LAMA3: variants seen among roughly 807,000 people sequenced by gnomAD.
LAMA3 encodes the protein laminin subunit alpha-3.
Under a neutral mutation model 402.0 loss-of-function variants are expected in LAMA3, and 281 were observed. The observed-to-expected ratio is 0.70, with a 90% CI of 0.63 to 0.77. The LOEUF is 0.77. Among genes scored for constraint, LAMA3 ranks in the 30% least tolerant of loss-of-function variants. The pLI is 0.00. For missense variants in LAMA3, 3,840 were observed against 4,215.5 expected, an observed-to-expected ratio of 0.91 and a Z score of 2.47; for synonymous variants, 1,431 against 1,558.4, an observed-to-expected ratio of 0.92 and a Z score of 1.93.
intron 40 of LAMA3, among the ~76,000 whole-genome samples, chr18:23,882,380 A>G (rs924238479): frequency 6.6e-6 from 1 of 152,194 alleles, no homozygotes; most frequent in East Asian, 1.9e-4. Context: ...CTGTAATCCT[A>G]GCACTTTAGA....
intron 1 of LAMA3, among the ~76,000 whole-genome samples, chr18:23,711,363 A>G (rs1428439553): frequency 6.6e-6 from 1 of 152,216 alleles, no homozygotes; most frequent in Non-Finnish European, 1.5e-5. Flanking sequence ...TCAAGGGCTA[A>G]CGTGAGTGCT....
intron 49 of LAMA3, 82 bp from the exon 50 acceptor site, chr18:23,903,851 T>A: frequency 8.9e-7 from 1 of 1,118,936 alleles, no homozygotes; most frequent in Non-Finnish European, 1.4e-6. Context: ...CAGAAACACA[T>A]CAGTTATGAT....
Position 23,928,782 on chromosome 18 carries a change from T to G in LAMA3, c.8436+17T>G, listed in dbSNP as rs2082080913. ...CAGACATGGGTATGCAGTAGTGCAT[T>G]AATATCAAACAAGATTTAAACCTGA... On this transcript the variant is annotated intron_variant, in intron 64 of 74. Coordinates refer to ENST00000313654, the MANE Select transcript of LAMA3 (RefSeq NM_198129.4). 1 of 1,608,244 alleles carries G rather than the reference T, an allele frequency of 6.2e-7. No homozygotes were observed. The highest frequency in any genetic ancestry group is 1.7e-5 in the Admixed American group (1 of 60,024).
intron 11 of LAMA3, 118 bp downstream of exon 11, chr18:23,777,737 G>GCACC: frequency 1.2e-6 from 1 of 809,938 alleles, no homozygotes; most frequent in Non-Finnish European, 2.2e-6. Context: ...AGCATGGTAG[G>GCACC]TGCCTTGCAG....
chr18:23,882,330 C>A (rs1192179785), intron 40 of LAMA3, among the ~76,000 whole-genome samples: 2 of 152,006 alleles, frequency 1.3e-5, no homozygotes, highest in Non-Finnish European at 2.9e-5. Context: ...ACACGACATA[C>A]AAGAAAACAA....
intron 19 of LAMA3, 73 bp downstream of exon 19, chr18:23,820,070 C>G (rs2063255470): frequency 1.4e-6 from 2 of 1,435,028 alleles, no homozygotes; most frequent in South Asian, 1.2e-5. Context: ...TCAGGGAGCC[C>G]CCTGAAAGGT....
intron 55 of LAMA3, among the ~76,000 whole-genome samples, chr18:23,911,555 T>C (rs897327295): frequency 6.6e-6 from 1 of 151,886 alleles, no homozygotes. Flanking sequence ...TGATTTAAAT[T>C]TGAATATGTT....
At chr18:23,861,575 T>A in intron 34 of LAMA3, 71 bp from the exon 35 acceptor site, 1 of 1,555,126 alleles carries the variant, frequency 6.4e-7, no homozygotes, top group Non-Finnish European at 8.9e-7. Flanking sequence ...CTGTAGTACA[T>A]CATGCACCCA....
chr18:23,921,933 A>G (rs913220702), intron 62 of LAMA3, among the ~76,000 whole-genome samples: 1 of 152,214 alleles, frequency 6.6e-6, no homozygotes, highest in Non-Finnish European at 1.5e-5. Flanking sequence ...GGGCCTCCCA[A>G]GGCCTGACAG....
chr18:23,850,943 G>A (rs538332892), intron 32 of LAMA3, among the ~76,000 whole-genome samples: 3 of 152,358 alleles, frequency 2.0e-5, no homozygotes, highest in African/African-American at 4.8e-5. Flanking sequence ...GTGAAGCCAC[G>A]TGTACCTCAT....
chr18:23,889,028 A>T (rs1188257742), intron 41 of LAMA3, among the ~76,000 whole-genome samples: 1 of 152,190 alleles, frequency 6.6e-6, no homozygotes, highest in Non-Finnish European at 1.5e-5. Context: ...TATCTAGAAT[A>T]AAAAAGGCTC....
chr18:23,835,685 T>G (rs955601456), intron 24 of LAMA3, among the ~76,000 whole-genome samples: 1 of 152,220 alleles, frequency 6.6e-6, no homozygotes, highest in East Asian at 1.9e-4. Flanking sequence ...GCCTGTCATG[T>G]GGATGAGTGA....
chr18:23,722,548 A>G (rs2145955669), intron 2 of LAMA3, among the ~76,000 whole-genome samples: 1 of 152,330 alleles, frequency 6.6e-6, no homozygotes, highest in South Asian at 2.1e-4. Flanking sequence ...GCTCTGCTCT[A>G]TTTTAAGCTA....
chr18:23,814,458 T>G lies in LAMA3; in HGVS notation c.1844T>G (p.Leu615Arg), dbSNP rs189724109. The change falls in exon 15 of 75, where the codon CTG becomes CGG. Residue 615 changes from leucine (L) to arginine (R), a missense_variant. Transcript: ENST00000313654. ...VEGPTCSRCKLLYWNLDKENP... is the reference protein window; with the variant it reads ...VEGPTCSRCKRLYWNLDKENP... ...GGTCCTACTTGTAGCCGCTGCAAACTGTTATATTGGAATCTGGACAAAGAA... is the reference window on the plus strand; with the variant it reads ...GGTCCTACTTGTAGCCGCTGCAAACGGTTATATTGGAATCTGGACAAAGAA... 2.2e-4 allele frequency: 349 copies of G among 1,613,982 alleles called. No homozygotes were observed. The highest frequency in any genetic ancestry group is 1.5e-3 in the Admixed American group (88 of 60,034).
At chr18:23,698,335 T>A (rs2060724357) in intron 1 of LAMA3, among the ~76,000 whole-genome samples, 1 of 151,376 alleles carries the variant, frequency 6.6e-6, no homozygotes, top group Non-Finnish European at 1.5e-5. Context: ...GCCTCCCGAG[T>A]AGCTGGGACT....
rs1436393256 is a variant in LAMA3, at chr18:23,827,350, C to G, written c.2706C>G (p.Phe902Leu). 1.2e-6 allele frequency: 2 copies of G among 1,614,226 alleles called. No homozygotes were observed. The highest frequency in any genetic ancestry group is 2.2e-5 in the South Asian group (2 of 91,090). The change falls in exon 23 of 75, where the codon TTC becomes TTG. Residue 902 changes from phenylalanine (F) to leucine (L), a missense_variant. Physicochemically the swap from Phe to Leu is conservative, Grantham distance 22 (BLOSUM62 0). Coordinates refer to ENST00000313654, the MANE Select transcript of LAMA3 (RefSeq NM_198129.4). ...LLYQHLPVTR[F>L]PCTLACEARH... ...ACCAGCATTTGCCAGTGACCAGATTCCCCTGTACCCTGGCTTGTGAGGCCA... is the reference window on the plus strand; with the variant it reads ...ACCAGCATTTGCCAGTGACCAGATTGCCCTGTACCCTGGCTTGTGAGGCCA...
chr18:23,793,624 T>C (rs1186406247), intron 12 of LAMA3, among the ~76,000 whole-genome samples: 1 of 151,694 alleles, frequency 6.6e-6, no homozygotes, highest in East Asian at 1.9e-4. Context: ...GGAAAAACTC[T>C]TTCCTCTAAC....
intron 12 of LAMA3, among the ~76,000 whole-genome samples, chr18:23,802,131 A>G (rs532171893): frequency 8.5e-5 from 13 of 152,364 alleles, no homozygotes; most frequent in Middle Eastern, 3.4e-3. Flanking sequence ...GCTCAAAACA[A>G]ATACTCATTG....
intron 8 of LAMA3, among the ~76,000 whole-genome samples, chr18:23,772,348 G>A (rs1260121080): frequency 1.3e-5 from 2 of 152,058 alleles, no homozygotes; most frequent in Non-Finnish European, 2.9e-5. Context: ...GCTGATCTAA[G>A]TCTTAAACTC....
Sources: allele counts gnomAD v4.1 joint callset (sites outside exome capture counted in the v4.1 genomes callset), GRCh38; gene constraint gnomAD v4.1.1; transcripts MANE v1.5; gene names NCBI Gene and HGNC (gene_info 2026-07-23, HGNC 2026-07-21).